Variants in CFAP97 observed in about 807,000 individuals in gnomAD.
CFAP97 encodes cilia and flagella associated protein 97, also known as cilia- and flagella-associated protein 97.
Under a neutral mutation model 43.1 loss-of-function variants are expected in CFAP97, and 36 were observed. The observed-to-expected ratio is 0.84, with a 90% CI of 0.64 to 1.10. The LOEUF (loss-of-function observed/expected upper bound fraction) is 1.10. CFAP97 is among the 50% of genes least tolerant of loss of function. CFAP97 has a pLI of 0.00. For synonymous variants in CFAP97, 228 were observed against 225.7 expected, an observed-to-expected ratio of 1.01 and a Z score of -0.09; for missense variants, 657 against 620.3, an observed-to-expected ratio of 1.06 and a Z score of -0.63.
intron 3 of CFAP97, among the ~76,000 whole-genome samples, chr4:185,167,072 G>A (rs1048132433): frequency 6.6e-6 from 1 of 152,038 alleles, no homozygotes; most frequent in Non-Finnish European, 1.5e-5. Flanking sequence ...TGTGGCTGAG[G>A]GAAGCCAAAA....
At chr4:185,170,371 T>C (rs1333613216) in intron 3 of CFAP97, 2 of 491,708 alleles carry the variant, frequency 4.1e-6, no homozygotes, top group Non-Finnish European at 7.2e-6. Flanking sequence ...AAGTTACTCC[T>C]GTATACTAGC....
rs1727699996 is a variant in CFAP97, at chr4:185,203,867, GGGAGCCAGGAGCC to G, written c.-17+18_-17+30del. On this transcript the variant is annotated intron_variant, in intron 1 of 4. Transcript: ENST00000458385. ...GAGCGTGGCGGGCGCCCCGCGAGCA[GGGAGCCAGGAGCC>G]GCTCGCGCGCCCCTCACCTGAGAGC... The G allele has an allele frequency of 6.6e-6, 1 of 151,776 alleles. No individual in the cohort carries two copies. 9.4% of individuals were successfully genotyped at this position (151,776 alleles called of 1,614,324 possible). A position where few individuals can be genotyped will look rare whatever the true frequency, so the allele number is the denominator to read the frequency against.
chr4:185,200,795 A>C (rs1030782521), intron 1 of CFAP97, among the ~76,000 whole-genome samples: 4 of 152,204 alleles, frequency 2.6e-5, no homozygotes, highest in African/African-American at 9.6e-5. Flanking sequence ...AAAAAAAAGA[A>C]AAAATAAGTG....
chr4:185,192,403 T>A (rs1053478189), intron 1 of CFAP97, among the ~76,000 whole-genome samples: 2 of 152,108 alleles, frequency 1.3e-5, no homozygotes, highest in Non-Finnish European at 2.9e-5. Flanking sequence ...TTACAAAAAA[T>A]GGATTAAAAT....
At chr4:185,201,473 T>C (rs1453904419) in intron 1 of CFAP97, among the ~76,000 whole-genome samples, 1 of 152,158 alleles carries the variant, frequency 6.6e-6, no homozygotes, top group East Asian at 1.9e-4. Flanking sequence ...CATCCCAACC[T>C]TCAGCACTCA....
Position 185,164,156 on chromosome 4 carries a change from G to C in CFAP97, c.1344C>G (p.Ala448=), listed in dbSNP as rs374532666. 1 of 1,613,748 alleles carries C rather than the reference G, an allele frequency of 6.2e-7. No individual in the cohort carries two copies. Among genetic ancestry groups the C allele is most frequent in the South Asian group, 1.1e-5 (1 of 91,050 alleles). Residue 448 remains alanine, a synonymous_variant, in exon 4 of 5, where the codon GCC becomes GCG. Coordinates refer to ENST00000458385, the MANE Select transcript of CFAP97 (RefSeq NM_020827.3). ...GTTTCATACCAACTGTTGGTTTCAC[G>C]GCCTCAAGCCTTTTCAATAAAGCCT... ...ENLALLKRLE[A]VKPTVGMKRS... is the part of the protein sequence containing the mutation.
intron 2 of CFAP97, among the ~76,000 whole-genome samples, chr4:185,180,168 T>C (rs1248162172): frequency 6.6e-6 from 1 of 152,088 alleles, no homozygotes; most frequent in Non-Finnish European, 1.5e-5. Flanking sequence ...ATGTTGTTTA[T>C]TTTTTTCCCA....
At chr4:185,183,434 A>G (rs1449342175) in intron 2 of CFAP97, among the ~76,000 whole-genome samples, 2 of 152,254 alleles carry the variant, frequency 1.3e-5, no homozygotes, top group Non-Finnish European at 2.9e-5. Flanking sequence ...GGTAAGCCAA[A>G]GCAGCCTAGA....
At chr4:185,170,032 T>C in intron 3 of CFAP97, 2 of 1,160,610 alleles carry the variant, frequency 1.7e-6, no homozygotes, top group Non-Finnish European at 2.1e-6. Context: ...TCCCTTTAAT[T>C]ATTCCACATA....
At chr4:185,196,183 T>A (rs1045471653) in intron 1 of CFAP97, among the ~76,000 whole-genome samples, 3 of 152,052 alleles carry the variant, frequency 2.0e-5, no homozygotes, top group African/African-American at 7.2e-5. Context: ...TAATCAAGAG[T>A]GCATTATAGG....
At chr4:185,192,366 T>TAC (rs1327739739) in intron 1 of CFAP97, among the ~76,000 whole-genome samples, 2 of 152,196 alleles carry the variant, frequency 1.3e-5, no homozygotes, top group African/African-American at 4.8e-5. Context: ...AACCAAGGTA[T>TAC]ATTATTCAGA....
At chr4:185,167,463 TCAAACAAA>T (rs756370999) in intron 3 of CFAP97, among the ~76,000 whole-genome samples, 3 of 151,930 alleles carry the variant, frequency 2.0e-5, no homozygotes, top group Non-Finnish European at 4.4e-5. Context: ...AGACCTTATC[TCAAACAAA>T]CAAACAAACA....
chr4:185,209,920 G>A (rs1737468659), upstream of CFAP97: 7 of 983,192 alleles, frequency 7.1e-6, no homozygotes, highest in Non-Finnish European at 8.4e-6. The surrounding 1 kb of genome is among the most constrained non-coding windows in gnomAD (Gnocchi z 5.2). Context: ...CTTCAGGGGC[G>A]AGCGGCGGCC....
At chr4:185,169,706 T>G in intron 3 of CFAP97, 1 of 985,428 alleles carries the variant, frequency 1.0e-6, no homozygotes, top group Non-Finnish European at 1.2e-6. Flanking sequence ...AGAGGAGAGT[T>G]GCTTTAGTGT....
chr4:185,177,435 G>A (rs1042428415), intron 2 of CFAP97, among the ~76,000 whole-genome samples: 5 of 150,542 alleles, frequency 3.3e-5, no homozygotes, highest in Non-Finnish European at 4.4e-5. Context: ...AGGAATACAC[G>A]ATATCAGATT....
At chr4:185,172,850 C>CAAAAAAA (rs1159858914) in intron 3 of CFAP97, among the ~76,000 whole-genome samples, 1 of 52,748 alleles carries the variant, frequency 1.9e-5, no homozygotes, top group Non-Finnish European at 4.4e-5. Flanking sequence ...CCCATCTCTA[C>CAAAAAAA]AAAAAAAAAA....
chr4:185,195,037 G>T (rs780959291), intron 1 of CFAP97, among the ~76,000 whole-genome samples: 3 of 152,192 alleles, frequency 2.0e-5, no homozygotes, highest in Non-Finnish European at 4.4e-5. Flanking sequence ...GTTCACGACA[G>T]CACAGCATCT....
chr4:185,202,866 C>T (rs1204922320), intron 1 of CFAP97, among the ~76,000 whole-genome samples: 1 of 152,246 alleles, frequency 6.6e-6, no homozygotes, highest in Non-Finnish European at 1.5e-5. Flanking sequence ...CCAACAATCC[C>T]ATCCACTGAG....
rs201466886 is a variant in CFAP97 at position 185,190,597 on chromosome 4, C to T, written c.600G>A (p.Ser200=). ...TCTTAGATGACTTAGATGACGGAGA[C>T]GAATCAGATAGATGGCTATCAGACC... ...DAGSDSHLSD[S]SPSSKSSKKH... The change falls in exon 2 of 5, where the codon TCG becomes TCA. Residue 200 remains serine, a synonymous_variant. Transcript: ENST00000458385. 1.2e-3 allele frequency: 1,872 copies of T among 1,611,370 alleles called. 28 individuals are homozygous for T. In the South Asian group the frequency reaches 0.017, roughly 14 times the overall value.
Sources: gnomAD v4.1 joint callset for allele counts (sites outside exome capture counted in the v4.1 genomes callset) on GRCh38, gnomAD v4.1.1 for gene constraint, Gnocchi (gnomAD v3.1) non-coding constraint, MANE v1.5 for transcripts, NCBI Gene and HGNC (gene_info 2026-07-23, HGNC 2026-07-21) for gene names.